TMEM65: variants seen among roughly 807,000 people sequenced by gnomAD.
TMEM65 encodes the protein transmembrane protein 65.
In TMEM65, 22 loss-of-function variants were observed where a neutral mutation model predicts 25.4. The ratio of observed to expected loss-of-function variants is 0.86; its 90% CI spans 0.62 to 1.23. TMEM65 has a LOEUF of 1.23. Among genes scored for constraint, TMEM65 ranks in the 50% most tolerant of loss-of-function variants. TMEM65 has a pLI of 0.00. For synonymous variants in TMEM65, 132 were observed against 126.2 expected (o/e 1.05, Z -0.31); for missense variants, 262 against 308.2 (o/e 0.85, Z 1.12).
chr8:124,359,867 T>C (rs1814837678), intron 1 of TMEM65, among the ~76,000 whole-genome samples: 1 of 152,218 alleles, frequency 6.6e-6, no homozygotes, highest in South Asian at 2.1e-4. Flanking sequence ...AAAAGAAAGC[T>C]ATCCTAGATA....
chr8:124,334,493 C>G (rs907404287), intron 1 of TMEM65, among the ~76,000 whole-genome samples: 2 of 151,814 alleles, frequency 1.3e-5, no homozygotes, highest in South Asian at 2.1e-4. Context: ...GGGCTGGGCA[C>G]GGTGGCTCAC....
intron 1 of TMEM65, among the ~76,000 whole-genome samples, chr8:124,348,144 T>C (rs1814662178): frequency 6.6e-6 from 1 of 152,136 alleles, no homozygotes; most frequent in African/African-American, 2.4e-5. Context: ...ATAGGGTTTC[T>C]CCATGTTGGT....
chr8:124,332,020 A>T (rs1814438783), intron 1 of TMEM65, among the ~76,000 whole-genome samples: 1 of 149,008 alleles, frequency 6.7e-6, no homozygotes, highest in African/African-American at 2.5e-5. Flanking sequence ...GAAAGTTCTA[A>T]GAAGCAAACT....
intron 1 of TMEM65, among the ~76,000 whole-genome samples, chr8:124,343,269 A>G (rs1814602415): frequency 6.6e-6 from 1 of 152,142 alleles, no homozygotes; most frequent in Non-Finnish European, 1.5e-5. Context: ...GACCCCTTAT[A>G]TAACAGTTAC....
intron 1 of TMEM65, among the ~76,000 whole-genome samples, 182 bp downstream of exon 1, chr8:124,371,670 ACT>A (rs1815014357): frequency 6.6e-6 from 1 of 151,598 alleles, no homozygotes; most frequent in African/African-American, 2.4e-5. Flanking sequence ...CCTGGGGGAA[ACT>A]CGGGCGGCGG....
chr8:124,357,003 T>C (rs1814790633), intron 1 of TMEM65, among the ~76,000 whole-genome samples: 1 of 151,980 alleles, frequency 6.6e-6, no homozygotes, highest in Admixed American at 6.6e-5. Context: ...CCACCGTTCC[T>C]GGTCTTATTC....
intron 1 of TMEM65, among the ~76,000 whole-genome samples, chr8:124,350,059 T>C (rs996286525): frequency 1.3e-5 from 2 of 152,054 alleles, no homozygotes; most frequent in African/African-American, 4.8e-5. Context: ...ATTTTTAATA[T>C]TGGAGCTGGC....
intron 1 of TMEM65, among the ~76,000 whole-genome samples, chr8:124,363,575 C>T (rs980599477): frequency 6.6e-6 from 1 of 152,080 alleles, no homozygotes; most frequent in African/African-American, 2.4e-5. Flanking sequence ...AAACAAGAAG[C>T]GCCTGTAATC....
chr8:124,325,657 C>G (rs1814358382), intron 3 of TMEM65, among the ~76,000 whole-genome samples: 1 of 151,868 alleles, frequency 6.6e-6, no homozygotes. Context: ...TTGGAGTCAG[C>G]CATCTCAGGC....
rs1358610863 is a variant in TMEM65 at position 124,313,495 on chromosome 8, T to C, written c.*465A>G. The C allele has an allele frequency of 6.5e-6, 1 of 153,512 alleles. No individual in the cohort carries two copies. Among genetic ancestry groups the C allele is most frequent in the Non-Finnish European group, 1.4e-5 (1 of 69,034 alleles). 9.5% of individuals were successfully genotyped at this position (153,512 alleles called of 1,614,324 possible). ...ATTATAAATGTTTACTGCATAACAG[T>C]ACAAAATTGATGTTCCCAAAAAGAG... On this transcript the variant is annotated 3_prime_UTR_variant, in exon 7 of 7. Transcript: ENST00000297632.
At chr8:124,341,163 A>G (rs1814579235) in intron 1 of TMEM65, among the ~76,000 whole-genome samples, 1 of 152,054 alleles carries the variant, frequency 6.6e-6, no homozygotes, top group African/African-American at 2.4e-5. Context: ...GATTTTGGTA[A>G]GCAAAAGCTA....
intron 1 of TMEM65, among the ~76,000 whole-genome samples, chr8:124,336,226 A>C (rs1814504723): frequency 6.6e-6 from 1 of 152,054 alleles, no homozygotes; most frequent in African/African-American, 2.4e-5. Flanking sequence ...GCTGAATCTA[A>C]CAGAATTAAA....
At chr8:124,327,291 A>G in intron 3 of TMEM65, 63 bp downstream of exon 3, 3 of 1,107,876 alleles carry the variant, frequency 2.7e-6, no homozygotes, top group Non-Finnish European at 4.0e-6. Flanking sequence ...AAAAATTATT[A>G]GGAAAATGTA....
At chr8:124,318,361 A>ATT (rs1563588866) in intron 6 of TMEM65, among the ~76,000 whole-genome samples, 11 of 107,482 alleles carry the variant, frequency 1.0e-4, no homozygotes, top group Admixed American at 1.4e-4. Flanking sequence ...CTGAATTTGC[A>ATT]TGTTTTTGTT....
chr8:124,316,188 A>G (rs1044107309), intron 6 of TMEM65, among the ~76,000 whole-genome samples: 1 of 152,334 alleles, frequency 6.6e-6, no homozygotes, highest in South Asian at 2.1e-4. Flanking sequence ...AAATTTTTCC[A>G]TTGTGAAAAC....
At chr8:124,320,951 T>C (rs145214228) in intron 5 of TMEM65, among the ~76,000 whole-genome samples, 3 of 152,220 alleles carry the variant, frequency 2.0e-5, no homozygotes, top group East Asian at 1.9e-4. Context: ...ACAAAAACAA[T>C]TGTTTTATGA....
chr8:124,349,650 G>A (rs750090161), intron 1 of TMEM65, among the ~76,000 whole-genome samples: 2 of 152,114 alleles, frequency 1.3e-5, no homozygotes, highest in Non-Finnish European at 2.9e-5. Flanking sequence ...AGCCCTCTGG[G>A]TCTTAGTTTT....
At chr8:124,342,483 T>C (rs1814593232) in intron 1 of TMEM65, among the ~76,000 whole-genome samples, 1 of 152,182 alleles carries the variant, frequency 6.6e-6, no homozygotes, top group Admixed American at 6.5e-5. Flanking sequence ...TGTTAAGATA[T>C]GCAATTTGAA....
chr8:124,306,844 G>A lies in TMEM65; in HGVS notation c.*7116C>T, dbSNP rs999843288. ...CATGCCTGTAATCCCAACTACTTGGGAGGCTGAGGCAGGAGAATCACTTGA... is the reference window on the plus strand; with the variant it reads ...CATGCCTGTAATCCCAACTACTTGGAAGGCTGAGGCAGGAGAATCACTTGA... On this transcript the variant is annotated 3_prime_UTR_variant, in exon 7 of 7. Coordinates refer to ENST00000297632, the MANE Select transcript of TMEM65 (RefSeq NM_194291.3). 1 of 152,114 alleles carries A rather than the reference G, an allele frequency of 6.6e-6. No homozygotes were observed. The highest frequency in any genetic ancestry group is 1.5e-5 in the Non-Finnish European group (1 of 68,072). 9.4% of individuals were successfully genotyped at this position (152,114 alleles called of 1,614,324 possible).
Sources: allele counts gnomAD v4.1 joint callset (sites outside exome capture counted in the v4.1 genomes callset), GRCh38; gene constraint gnomAD v4.1.1; transcripts MANE v1.5; gene names NCBI Gene and HGNC (gene_info 2026-07-23, HGNC 2026-07-21).